TTC6: variants seen among roughly 807,000 people sequenced by gnomAD.
The protein encoded by TTC6 is tetratricopeptide repeat domain 6.
TTC6 carries 172 observed loss-of-function variants against 210.4 expected under a neutral mutation model. The ratio of observed to expected loss-of-function variants is 0.82; its 90% confidence interval spans 0.72 to 0.93. TTC6 has a LOEUF of 0.93. Among genes scored for constraint, TTC6 ranks in the 40% least tolerant of loss-of-function variants. The pLI is 0.00. For missense variants in TTC6, 2,414 were observed against 2,318.1 expected (o/e 1.04, Z -0.85); for synonymous variants, 804 against 819.6 (o/e 0.98, Z 0.32).
chr14:37,735,963 A>T lies in TTC6; in HGVS notation c.1861A>T (p.Lys621Ter), dbSNP rs2095900457. The change falls in exon 8 of 31, where the codon AAA (lysine) becomes TAA (stop). Residue 621 changes from lysine (K) to a stop codon, truncating the protein, a stop_gained. Transcript: ENST00000553443. LOFTEE classifies it high-confidence loss of function. ...ACTTTTAACTGATAAATTGTCATAT[A>T]AAAGCAGTGTCATTACTTTACATCA... The T allele has an allele frequency of 2.6e-6, 4 of 1,534,504 alleles. No individual in the cohort carries two copies. The highest frequency in any genetic ancestry group is 2.6e-6 in the Non-Finnish European group (3 of 1,145,914).
intron 25 of TTC6, among the ~76,000 whole-genome samples, chr14:37,815,141 G>A (rs987123783): frequency 6.6e-6 from 1 of 152,162 alleles, no homozygotes; most frequent in Admixed American, 6.6e-5. Flanking sequence ...GAGAAGAGAT[G>A]TTCAGGCACC....
intron 1 of TTC6, among the ~76,000 whole-genome samples, chr14:37,624,604 C>T (rs2095657027): frequency 6.6e-6 from 1 of 152,014 alleles, no homozygotes; most frequent in African/African-American, 2.4e-5. Context: ...GCTCTTTTAC[C>T]AGAAGTGTTA....
chr14:37,825,349 G>A (rs374951860), intron 27 of TTC6, among the ~76,000 whole-genome samples: 2 of 152,202 alleles, frequency 1.3e-5, no homozygotes, highest in South Asian at 2.1e-4. Flanking sequence ...AAGATTTGAT[G>A]GTCAGGAAAC....
chr14:37,740,671 T>C (rs980147403), intron 10 of TTC6, among the ~76,000 whole-genome samples: 1 of 152,256 alleles, frequency 6.6e-6, no homozygotes, highest in Non-Finnish European at 1.5e-5. Flanking sequence ...CTCTGTATAC[T>C]ACATATGCTT....
At chr14:37,803,351 A>G (rs1460759170) in intron 20 of TTC6, among the ~76,000 whole-genome samples, 1 of 152,154 alleles carries the variant, frequency 6.6e-6, no homozygotes, top group Non-Finnish European at 1.5e-5. Flanking sequence ...TTTTTGAATT[A>G]TATAGCTGCA....
At chr14:37,841,989 T>C (rs1327761574) in intron 30 of TTC6, among the ~76,000 whole-genome samples, 166 bp from the exon 33 acceptor site, 2 of 152,218 alleles carry the variant, frequency 1.3e-5, no homozygotes, top group Non-Finnish European at 2.9e-5. Context: ...TTTAACTAAA[T>C]AGTTCTGTTT....
exon 11 of TTC6, chr14:37,749,243 C>T (rs1463161390): frequency 6.5e-7 from 1 of 1,528,266 alleles, no homozygotes; most frequent in Non-Finnish European, 8.7e-7. Context: ...GGAGTCTGAT[C>T]TTCCACAAGA....
At chr14:37,735,355 C>T (rs1336761488) in intron 7 of TTC6, among the ~76,000 whole-genome samples, 1 of 152,080 alleles carries the variant, frequency 6.6e-6, no homozygotes, top group African/African-American at 2.4e-5. Context: ...TAGGTTTCTG[C>T]ATGTCCAAAC....
rs1240850902 is a variant in TTC6, at chr14:37,602,037, C to G, written c.-234-4626C>G. 3.3e-5 allele frequency among the ~76,000 whole-genome samples: 5 copies of G among 152,370 alleles called. 1 individual carries two copies. The East Asian group carries it at 9.7e-4, about 29-fold the overall frequency. Reference sequence around the variant, plus strand: ...CGTAGTGAGAAGGAAAAGCCTTGCACTAGAGCTCTCTATTAGTCCGAGGCT... The same window carrying G: ...CGTAGTGAGAAGGAAAAGCCTTGCAGTAGAGCTCTCTATTAGTCCGAGGCT... On this transcript the variant is annotated intron_variant, in intron 1 of 2. Coordinates refer to the TTC6 transcript ENST00000556845.
chr14:37,739,568 T>TAAA (rs869033607), intron 10 of TTC6, among the ~76,000 whole-genome samples: 7 of 122,380 alleles, frequency 5.7e-5, no homozygotes, highest in African/African-American at 1.6e-4. Context: ...GACTCCATCT[T>TAAA]AAAAAAAAAA....
intron 12 of TTC6, among the ~76,000 whole-genome samples, chr14:37,750,699 C>T (rs567420099): frequency 1.4e-3 from 208 of 152,012 alleles, no homozygotes; most frequent in Middle Eastern, 3.4e-3. Context: ...CCAGCCTGGG[C>T]AACATGGTGA....
intron 5 of TTC6, among the ~76,000 whole-genome samples, chr14:37,708,162 G>A (rs2138720434): frequency 6.6e-6 from 1 of 151,686 alleles, no homozygotes; most frequent in Admixed American, 6.6e-5. Flanking sequence ...ATTTCTTTGA[G>A]GATATATATC....
intron 1 of TTC6, 38 bp downstream of exon 1, chr14:37,596,046 CTT>C (rs144611453): frequency 1.3e-5 from 2 of 149,290 alleles, no homozygotes; most frequent in Admixed American, 6.6e-5. Flanking sequence ...TATGACATAA[CTT>C]TTTTTTTTTG....
At chr14:37,812,217 A>G in intron 24 of TTC6, 97 bp from the exon 27 acceptor site, 1 of 1,248,168 alleles carries the variant, frequency 8.0e-7, no homozygotes. Context: ...TGAAGAACTA[A>G]CCATTGGGTC....
Position 37,677,371 on chromosome 14 carries a change from CTT to C in TTC6, c.940-2779_940-2778del, listed in dbSNP as rs566930324. Among the ~76,000 whole-genome samples the C allele has an allele frequency of 1.3e-3, 192 of 152,036 alleles. 4 individuals are homozygous for C. The highest frequency in any genetic ancestry group is 3.1e-3 in the South Asian group (15 of 4,812). The stretch of plus-strand genomic sequence containing the variant: ...GATTGTTCATTGTTTGAAAATAAAA[CTT>C]ATTTTTACATATTTACCCTGTACCC... On this transcript the variant is annotated intron_variant, in intron 1 of 30. Coordinates refer to ENST00000553443, the Ensembl canonical transcript of TTC6.
At chr14:37,724,945 A>G in exon 7 of TTC6, 5 of 1,529,722 alleles carry the variant, frequency 3.3e-6, no homozygotes, top group Non-Finnish European at 4.4e-6. Context: ...ATACAGCTGC[A>G]CCTAAATTCT....
chr14:37,820,914 C>T (rs889049534), intron 26 of TTC6, among the ~76,000 whole-genome samples: 10 of 150,612 alleles, frequency 6.6e-5, no homozygotes, highest in Non-Finnish European at 1.2e-4. Flanking sequence ...TTCTCCTCCT[C>T]CTTCTCCTCC....
At chr14:37,612,713 A>C (rs1158504789) in intron 2 of TTC6, among the ~76,000 whole-genome samples, 1 of 152,172 alleles carries the variant, frequency 6.6e-6, no homozygotes, top group Non-Finnish European at 1.5e-5. Flanking sequence ...ATTTTTTGTC[A>C]GATTAATTCC....
chr14:37,621,348 G>C (rs2139293695), upstream of TTC6, among the ~76,000 whole-genome samples: 1 of 152,318 alleles, frequency 6.6e-6, no homozygotes, highest in East Asian at 1.9e-4. Context: ...GGTTGCTCAT[G>C]CCTGTAATTC....
Sources: allele counts gnomAD v4.1 joint callset (sites outside exome capture counted in the v4.1 genomes callset), GRCh38; gene constraint gnomAD v4.1.1; transcripts MANE v1.5; gene names NCBI Gene and HGNC (gene_info 2026-07-23, HGNC 2026-07-21).